The following TRIM14 variants were observed in gnomAD, a reference collection of about 807,000 sequenced individuals.
TRIM14 encodes the protein tripartite motif containing 14, also known as tripartite motif-containing protein 14.
Under a neutral mutation model 44.5 loss-of-function variants are expected in TRIM14, and 28 were observed. The ratio of observed to expected loss-of-function variants is 0.63; its 90% CI spans 0.47 to 0.86. The LOEUF (loss-of-function observed/expected upper bound fraction) is 0.86, where lower values mean the gene tolerates loss of function less well. Ranked by LOEUF, TRIM14 falls within the 40% of genes least tolerant of loss-of-function variation. The pLI is 0.00. For synonymous variants in TRIM14, 299 were observed against 269.2 expected (o/e 1.11, Z -1.08); for missense variants, 607 against 611.1 (o/e 0.99, Z 0.07).
the TRIM14 span, among the ~76,000 whole-genome samples, chr9:98,059,723 G>GTTTTTTT: frequency 6.7e-6 from 1 of 149,980 alleles, no homozygotes; most frequent in African/African-American, 2.5e-5. Context: ...CCTCTTGAGT[G>GTTTTTTT]TTTTTTGTTT....
chr9:98,044,278 C>T, the TRIM14 span, among the ~76,000 whole-genome samples: 7 of 151,808 alleles, frequency 4.6e-5, no homozygotes, highest in East Asian at 3.9e-4. Flanking sequence ...GGCCGTTGCA[C>T]GTCATGAGGG....
intron 6 of TRIM14, chr9:98,078,167 G>T: frequency 6.2e-7 from 1 of 1,614,104 alleles, no homozygotes; most frequent in Non-Finnish European, 8.5e-7. Context: ...AGAAAGTGCT[G>T]ATGGTGTTGG....
rs1456837037 is a variant in TRIM14 at position 98,095,939 on chromosome 9, A to G, written c.538-910T>C. Among the ~76,000 whole-genome samples the G allele has an allele frequency of 6.6e-6, 1 of 152,176 alleles. No homozygotes were observed. Among genetic ancestry groups the G allele is most frequent in the Non-Finnish European group, 1.5e-5 (1 of 68,028 alleles). On this transcript the variant is annotated intron_variant, in intron 3 of 5. Coordinates refer to ENST00000341469, the MANE Select transcript of TRIM14 (RefSeq NM_014788.4). This position sits in a 1 kb window ranked among gnomAD's most constrained non-coding sequence, Gnocchi z 4.1. Reference sequence around the variant, plus strand: ...GGCCCTCCTGGAGATCCTATGGGCTATCTCATACTCTTCCATAAACTCCTT... The same window carrying G: ...GGCCCTCCTGGAGATCCTATGGGCTGTCTCATACTCTTCCATAAACTCCTT...
At chr9:98,065,307 G>GTTT (rs1829104922), downstream of TRIM14, among the ~76,000 whole-genome samples, 1 of 108,468 alleles carries the variant, frequency 9.2e-6, no homozygotes, top group Admixed American at 8.6e-5. Context: ...CACTCCTGGT[G>GTTT]CTTTTTTTTT....
intron 1 of TRIM14, among the ~76,000 whole-genome samples, chr9:98,114,702 T>C (rs1030756209): frequency 6.6e-6 from 1 of 152,276 alleles, no homozygotes; most frequent in African/African-American, 2.4e-5. Context: ...TTTAAGGAAA[T>C]TTTTGGAAAA....
chr9:98,074,456 T>A (rs927555305), intron 6 of TRIM14, among the ~76,000 whole-genome samples: 12 of 152,190 alleles, frequency 7.9e-5, no homozygotes, highest in Non-Finnish European at 1.6e-4. Flanking sequence ...CAGCCTGTAG[T>A]AGCCCCTAGG....
At chr9:98,115,390 A>G (rs539827697) in intron 1 of TRIM14, among the ~76,000 whole-genome samples, 12 of 152,316 alleles carry the variant, frequency 7.9e-5, no homozygotes, top group African/African-American at 2.9e-4. Context: ...AGCTGGGATT[A>G]CAGGTGCCCA....
chr9:98,095,171 C>G lies in TRIM14; in HGVS notation c.538-142G>C. On this transcript the variant is annotated intron_variant, in intron 3 of 5. Coordinates refer to ENST00000341469, the MANE Select transcript of TRIM14 (RefSeq NM_014788.4). The surrounding 1 kb of genome is among the most constrained non-coding windows in gnomAD (Gnocchi z 4.1). ...GCACCTATGGTCAGCCCAGGCCATG[C>G]CTGCAGGAGCAGAGCCCTGGAGAGA... 2 of 1,067,704 alleles carry G rather than the reference C, an allele frequency of 1.9e-6. No homozygotes were observed. The highest frequency in any genetic ancestry group is 1.3e-6 in the Non-Finnish European group (1 of 762,028). The allele number at this position is 1,067,704 out of a possible 1,614,324, so 66.1% of individuals were successfully genotyped here. A position where few individuals can be genotyped will look rare whatever the true frequency, so the allele number is the denominator to read the frequency against.
the TRIM14 span, chr9:98,056,907 G>C: frequency 1.9e-6 from 3 of 1,610,354 alleles, no homozygotes; most frequent in Non-Finnish European, 2.5e-6. Context: ...AGGGCGACCT[G>C]GACGTAGCCA....
intron 2 of TRIM14, among the ~76,000 whole-genome samples, chr9:98,105,442 G>A (rs530825105): frequency 2.4e-4 from 37 of 152,332 alleles, no homozygotes; most frequent in South Asian, 1.7e-3. Context: ...AGCCAGGCAC[G>A]GTAGTGGGCA....
At chr9:98,056,708 C>A in the TRIM14 span, 11 of 1,465,068 alleles carry the variant, frequency 7.5e-6, no homozygotes, top group Non-Finnish European at 1.0e-5. Context: ...GCGGGGCTGG[C>A]GTGTGGGTCT....
At chr9:98,107,184 G>T (rs375313819) in intron 2 of TRIM14, among the ~76,000 whole-genome samples, 18 of 152,322 alleles carry the variant, frequency 1.2e-4, no homozygotes, top group Non-Finnish European at 1.8e-4. Context: ...ATGCATTGCT[G>T]GTGGGAATGT....
At position 98,101,122 on chromosome 9, in the gene TRIM14, C is replaced by T. The variant is rs543014009; in HGVS notation, c.304-958G>A. Among the ~76,000 whole-genome samples, 83 of 151,896 alleles carry T rather than the reference C, an allele frequency of 5.5e-4. 1 individual carries two copies. Among genetic ancestry groups the T allele is most frequent in the Admixed American group, 7.2e-4 (11 of 15,236 alleles). On this transcript the variant is annotated intron_variant, in intron 2 of 5. Transcript: ENST00000341469. ...TCCTGAGTAGCTGGGATTACAAGCA[C>T]GCACCACCACACATAGGTAATTTTG... is the stretch of plus-strand genomic sequence containing the variant.
downstream of TRIM14, among the ~76,000 whole-genome samples, chr9:98,080,354 A>G (rs565063764): frequency 6.6e-6 from 1 of 152,366 alleles, no homozygotes; most frequent in South Asian, 2.1e-4. Flanking sequence ...ATTATAGATA[A>G]CGGATTAATT....
intron 1 of TRIM14, among the ~76,000 whole-genome samples, chr9:98,111,296 A>G (rs756047691): frequency 4.0e-5 from 6 of 150,538 alleles, no homozygotes; most frequent in Non-Finnish European, 7.4e-5. Flanking sequence ...TCAAGAGCTG[A>G]GCATGGTGGC....
the TRIM14 span, chr9:98,056,885 G>T: frequency 1.9e-6 from 3 of 1,611,194 alleles, no homozygotes; most frequent in South Asian, 1.1e-5. Context: ...GCCGAGATCG[G>T]CCAGAACCAC....
intron 2 of TRIM14, among the ~76,000 whole-genome samples, chr9:98,104,689 C>T (rs1162727119): frequency 6.6e-6 from 1 of 152,050 alleles, no homozygotes; most frequent in Non-Finnish European, 1.5e-5. Flanking sequence ...TGGGTGAGGG[C>T]CTAACAGAGT....
the TRIM14 span, among the ~76,000 whole-genome samples, chr9:98,047,639 C>T: frequency 4.6e-5 from 7 of 152,038 alleles, no homozygotes; most frequent in African/African-American, 1.7e-4. Flanking sequence ...AGTTACTTCA[C>T]ATTATGAGAG....
rs780936710 is a variant in TRIM14 at position 98,087,043 on chromosome 9, G to T, written c.*427C>A. 1 of 320,912 alleles carries T rather than the reference G, an allele frequency of 3.1e-6. No individual in the cohort carries two copies. Among genetic ancestry groups the T allele is most frequent in the South Asian group, 2.6e-5 (1 of 37,830 alleles). The allele number at this position is 320,912 out of a possible 1,614,324, so 19.9% of individuals were successfully genotyped here. A position where few individuals can be genotyped will look rare whatever the true frequency, so the allele number is the denominator to read the frequency against. ...AAGATTCAAGGGACCTCAAGAGACA[G>T]AAGAGTCAGGACTGGATGACTCCCA... is the stretch of plus-strand genomic sequence containing the variant. On this transcript the variant is annotated 3_prime_UTR_variant, in exon 6 of 6. Coordinates refer to ENST00000341469, the MANE Select transcript of TRIM14 (RefSeq NM_014788.4).
Sources: gnomAD v4.1 joint callset for allele counts (sites outside exome capture counted in the v4.1 genomes callset) on GRCh38, gnomAD v4.1.1 for gene constraint, Gnocchi (gnomAD v3.1) non-coding constraint, MANE v1.5 for transcripts, NCBI Gene and HGNC (gene_info 2026-07-23, HGNC 2026-07-21) for gene names.